The following EXOC4 variants were observed in gnomAD, a reference collection of about 807,000 sequenced individuals.
EXOC4 encodes the protein SEC8-like 1.
A neutral mutation model predicts 107.2 loss-of-function variants in EXOC4; 71 were observed. That is an observed-to-expected ratio of 0.66 (90% CI 0.55 to 0.81). The LOEUF is 0.81. EXOC4 is among the 30% of genes least tolerant of loss of function. The pLI, the probability that EXOC4 is intolerant of heterozygous loss-of-function variation, is 0.00. For missense variants in EXOC4, 1,108 were observed against 1,189.6 expected (o/e 0.93, Z 1.01); for synonymous variants, 456 against 441.2 (o/e 1.03, Z -0.42).
chr7:133,464,822 T>TTTG (rs1798686503), intron 7 of EXOC4, among the ~76,000 whole-genome samples: 1 of 121,908 alleles, frequency 8.2e-6, no homozygotes, highest in Non-Finnish European at 1.7e-5. Flanking sequence ...TTTTTTTTTT[T>TTTG]TTTTTTTTTT....
At chr7:133,312,030 C>T (rs572343880) in intron 4 of EXOC4, among the ~76,000 whole-genome samples, 2 of 152,210 alleles carry the variant, frequency 1.3e-5, no homozygotes, top group South Asian at 4.1e-4. Flanking sequence ...TTTGCATATT[C>T]TTTGTCCAGA....
intron 10 of EXOC4, among the ~76,000 whole-genome samples, chr7:133,710,481 A>G (rs1207678154): frequency 1.3e-5 from 2 of 151,728 alleles, no homozygotes; most frequent in African/African-American, 4.8e-5. Flanking sequence ...TAAAACAGTG[A>G]AACCCCGTCT....
chr7:133,661,417 C>G (rs759282442), intron 10 of EXOC4, among the ~76,000 whole-genome samples: 1 of 152,028 alleles, frequency 6.6e-6, no homozygotes, highest in Non-Finnish European at 1.5e-5. Flanking sequence ...CCCCCTTCCT[C>G]TGGGCAAAAG....
At chr7:133,962,207 C>T (rs1442983508) in intron 14 of EXOC4, among the ~76,000 whole-genome samples, 2 of 152,174 alleles carry the variant, frequency 1.3e-5, no homozygotes, top group Non-Finnish European at 2.9e-5. Context: ...TCTTGAAGAA[C>T]ATACTTACTG....
At chr7:133,805,540 T>C (rs1797055088) in intron 10 of EXOC4, among the ~76,000 whole-genome samples, 1 of 152,202 alleles carries the variant, frequency 6.6e-6, no homozygotes, top group Non-Finnish European at 1.5e-5. Context: ...GATACCTCCA[T>C]AGCAGAATTC....
At chr7:133,388,219 A>G (rs1389700714) in intron 7 of EXOC4, among the ~76,000 whole-genome samples, 4 of 152,162 alleles carry the variant, frequency 2.6e-5, no homozygotes, top group Admixed American at 6.5e-5. Context: ...AGCATTATCA[A>G]TTTATGACTG....
intron 10 of EXOC4, chr7:133,727,819 T>G (rs1795247487): frequency 6.6e-6 from 1 of 152,240 alleles, no homozygotes; most frequent in Admixed American, 6.5e-5. Context: ...ATAACAAGAT[T>G]ACTCCCATTT....
At chr7:133,745,634 A>G (rs1480095123) in intron 10 of EXOC4, among the ~76,000 whole-genome samples, 3 of 151,862 alleles carry the variant, frequency 2.0e-5, no homozygotes, top group Admixed American at 6.6e-5. Flanking sequence ...GCATTTAAAC[A>G]TTTTTGAAAA....
intron 15 of EXOC4, among the ~76,000 whole-genome samples, chr7:134,000,765 G>A (rs937247209): frequency 2.6e-5 from 4 of 152,082 alleles, no homozygotes; most frequent in African/African-American, 7.2e-5. Flanking sequence ...AAAAGTGGCT[G>A]GTTAGCTCCT....
At chr7:133,673,934 AG>A (rs1794000494) in intron 10 of EXOC4, among the ~76,000 whole-genome samples, 2 of 152,216 alleles carry the variant, frequency 1.3e-5, no homozygotes, top group Admixed American at 1.3e-4. Flanking sequence ...ACAGTCCTGT[AG>A]GAAGTGTTGG....
chr7:133,485,816 G>A (rs1367849473), intron 9 of EXOC4, among the ~76,000 whole-genome samples: 1 of 151,928 alleles, frequency 6.6e-6, no homozygotes, highest in African/African-American at 2.4e-5. Context: ...AAACCCTAGT[G>A]GTTGTTTAAA....
chr7:133,276,513 T>C (rs7782102), intron 2 of EXOC4, among the ~76,000 whole-genome samples: 46,872 of 152,062 alleles, frequency 0.31, 8,256 homozygotes, highest in African/African-American at 0.49. Context: ...TTGCTGATTT[T>C]CAGGCATTTT....
At chr7:134,078,529 T>C in the EXOC4 span, among the ~76,000 whole-genome samples, 1 of 152,164 alleles carries the variant, frequency 6.6e-6, no homozygotes, top group South Asian at 2.1e-4. Context: ...AGTAAGTGTT[T>C]ACCCTCTAAC....
chr7:134,021,038 G>C (rs1224396198), intron 17 of EXOC4, among the ~76,000 whole-genome samples: 1 of 151,956 alleles, frequency 6.6e-6, no homozygotes, highest in Non-Finnish European at 1.5e-5. Context: ...AGGGTCTCTT[G>C]CAGATTGGAC....
chr7:133,402,801 GTGGAGAATT>G (rs903608649), intron 7 of EXOC4, among the ~76,000 whole-genome samples: 4 of 151,900 alleles, frequency 2.6e-5, no homozygotes, highest in African/African-American at 9.7e-5. Flanking sequence ...ACCATGCCCG[GTGGAGAATT>G]TGGATTTCTA....
intron 10 of EXOC4, among the ~76,000 whole-genome samples, chr7:133,757,365 A>T (rs1188647188): frequency 2.6e-5 from 4 of 152,250 alleles, no homozygotes; most frequent in African/African-American, 9.6e-5. Context: ...CTTTTAAAAA[A>T]ATGCAGATTG....
chr7:134,096,253 T>C, the EXOC4 span, among the ~76,000 whole-genome samples: 1 of 152,140 alleles, frequency 6.6e-6, no homozygotes, highest in South Asian at 2.1e-4. Context: ...GGAAGAACTT[T>C]ACATAGGAAG....
intron 10 of EXOC4, among the ~76,000 whole-genome samples, chr7:133,797,961 A>C (rs1796851620): frequency 6.6e-6 from 1 of 152,168 alleles, no homozygotes; most frequent in Admixed American, 6.5e-5. Context: ...TAAAGAAAAA[A>C]AGAGGCAGTG....
rs763684888 is a variant in EXOC4 at position 133,566,905 on chromosome 7, A to G, written c.1418-63140A>G. 2.6e-5 allele frequency among the ~76,000 whole-genome samples: 4 copies of G among 152,314 alleles called. 1 individual carries two copies. The highest frequency in any genetic ancestry group is 4.1e-4 in the South Asian group (2 of 4,826). On this transcript the variant is annotated intron_variant, in intron 9 of 17. Transcript: ENST00000253861. The stretch of plus-strand genomic sequence containing the variant: ...TAACAATAGACTAAAGGTTCAGAAT[A>G]TCTCAAACAATGAACCTGGACACAT...
Sources: gnomAD v4.1 joint callset for allele counts (sites outside exome capture counted in the v4.1 genomes callset) on GRCh38, gnomAD v4.1.1 for gene constraint, MANE v1.5 for transcripts, NCBI Gene and HGNC (gene_info 2026-07-23, HGNC 2026-07-21) for gene names.